CSMD3: variants seen among roughly 807,000 people sequenced by gnomAD.
CSMD3 encodes the protein CUB and Sushi multiple domains 3, also known as CUB and sushi domain-containing protein 3.
A neutral mutation model predicts 435.2 loss-of-function variants in CSMD3; 177 were observed. That is an observed-to-expected ratio of 0.41 (90% CI 0.36 to 0.46). CSMD3 has a LOEUF of 0.46. Ranked by LOEUF, CSMD3 falls within the 20% of genes least tolerant of loss-of-function variation. The pLI, the probability that CSMD3 is intolerant of heterozygous loss-of-function variation, is 0.34. For missense variants in CSMD3, 4,265 were observed against 4,504.6 expected (o/e 0.95, Z 1.52); for synonymous variants, 1,656 against 1,520.5 (o/e 1.09, Z -2.07).
chr8:113,317,484 G>T (rs75983378), intron 1 of CSMD3, among the ~76,000 whole-genome samples: 2 of 152,068 alleles, frequency 1.3e-5, no homozygotes, highest in Non-Finnish European at 2.9e-5. Flanking sequence ...CATGGATTTC[G>T]AGTACTTTTA....
chr8:113,090,719 A>G (rs1198138712), intron 5 of CSMD3, among the ~76,000 whole-genome samples: 3 of 152,118 alleles, frequency 2.0e-5, no homozygotes, highest in East Asian at 1.9e-4. Context: ...ATGCTTACAT[A>G]TAAGTTAACA....
At chr8:113,117,032 A>C (rs1161393451) in intron 4 of CSMD3, among the ~76,000 whole-genome samples, 2 of 152,232 alleles carry the variant, frequency 1.3e-5, no homozygotes, top group East Asian at 3.9e-4. Context: ...GACAGAAAAG[A>C]AAGACCCATT....
At chr8:113,091,136 C>T (rs900493293) in intron 5 of CSMD3, among the ~76,000 whole-genome samples, 1 of 151,810 alleles carries the variant, frequency 6.6e-6, no homozygotes. Flanking sequence ...AAAAAATATG[C>T]CAAGCATTAG....
chr8:112,472,195 C>T (rs1818583331), intron 32 of CSMD3, among the ~76,000 whole-genome samples: 2 of 152,106 alleles, frequency 1.3e-5, no homozygotes, highest in South Asian at 4.1e-4. Flanking sequence ...GATATGATTG[C>T]TTTGTAAATA....
chr8:112,373,770 C>G (rs1182755000), intron 38 of CSMD3, among the ~76,000 whole-genome samples: 1 of 152,030 alleles, frequency 6.6e-6, no homozygotes, highest in Non-Finnish European at 1.5e-5. Flanking sequence ...TTTTCATAAG[C>G]AAAATAGATT....
At chr8:112,416,749 C>T (rs1811954490) in intron 32 of CSMD3, among the ~76,000 whole-genome samples, 5 of 151,808 alleles carry the variant, frequency 3.3e-5, no homozygotes. Context: ...ATTTGTTTGT[C>T]ATTTTTTTCT....
intron 32 of CSMD3, among the ~76,000 whole-genome samples, chr8:112,420,273 C>T (rs957152444): frequency 1.3e-5 from 2 of 152,072 alleles, no homozygotes; most frequent in Admixed American, 6.6e-5. Flanking sequence ...TCTTCCTATC[C>T]GACCTGTATC....
intron 7 of CSMD3, among the ~76,000 whole-genome samples, chr8:112,970,136 T>C (rs938233381): frequency 3.9e-5 from 6 of 152,036 alleles, no homozygotes; most frequent in African/African-American, 1.4e-4. Context: ...AATTCTAAAA[T>C]AGATAATTCT....
intron 5 of CSMD3, among the ~76,000 whole-genome samples, chr8:113,051,322 TA>T (rs1245273681): frequency 3.9e-5 from 6 of 152,086 alleles, no homozygotes; most frequent in South Asian, 2.1e-4. Flanking sequence ...AAATGAGGGT[TA>T]TTTTTTTTAA....
At chr8:112,277,614 C>A (rs189100222) in intron 59 of CSMD3, among the ~76,000 whole-genome samples, 2 of 152,246 alleles carry the variant, frequency 1.3e-5, no homozygotes, top group East Asian at 3.9e-4. Context: ...CACCCAACTG[C>A]CAGTACCAAT....
intron 7 of CSMD3, among the ~76,000 whole-genome samples, chr8:112,975,610 C>A (rs2084816429): frequency 6.6e-6 from 1 of 152,072 alleles, no homozygotes; most frequent in Admixed American, 6.6e-5. Context: ...TACCCCCTCC[C>A]CCTCCAACAT....
intron 32 of CSMD3, among the ~76,000 whole-genome samples, chr8:112,435,722 T>C (rs1427373221): frequency 6.6e-6 from 1 of 152,060 alleles, no homozygotes; most frequent in Non-Finnish European, 1.5e-5. Flanking sequence ...TTAACTTGTA[T>C]ACTTTCAAGA....
chr8:112,746,837 G>C (rs1406059073), intron 13 of CSMD3, among the ~76,000 whole-genome samples: 2 of 151,924 alleles, frequency 1.3e-5, no homozygotes, highest in Non-Finnish European at 2.9e-5. Context: ...AAAAAGACTT[G>C]GAAGGATAGA....
At chr8:113,258,088 T>A (rs2093398159) in intron 3 of CSMD3, among the ~76,000 whole-genome samples, 1 of 152,150 alleles carries the variant, frequency 6.6e-6, no homozygotes, top group African/African-American at 2.4e-5. Flanking sequence ...TATGACAAAA[T>A]AAAAAATGAT....
At chr8:112,751,644 A>T (rs11987485) in intron 13 of CSMD3, among the ~76,000 whole-genome samples, 100,504 of 132,904 alleles carry the variant, frequency 0.76, 35,600 homozygotes, top group East Asian at 0.85. Context: ...TTTTTTTTTT[A>T]TATATTTTAC....
chr8:112,632,986 C>G (rs1194014949), intron 22 of CSMD3, among the ~76,000 whole-genome samples: 1 of 151,786 alleles, frequency 6.6e-6, no homozygotes, highest in African/African-American at 2.4e-5. Context: ...TAAAGTTTTT[C>G]CCAAAATGTG....
At chr8:112,851,561 C>T (rs1400932641) in intron 11 of CSMD3, among the ~76,000 whole-genome samples, 2 of 152,016 alleles carry the variant, frequency 1.3e-5, no homozygotes, top group Non-Finnish European at 2.9e-5. Context: ...GTCAGGACTT[C>T]GAGACCAGCC....
intron 63 of CSMD3, among the ~76,000 whole-genome samples, 185 bp from the exon 64 acceptor site, chr8:112,247,316 CTTTA>C (rs1459996159): frequency 6.6e-6 from 1 of 152,060 alleles, no homozygotes; most frequent in Non-Finnish European, 1.5e-5. Flanking sequence ...AAAATCCTGG[CTTTA>C]TTTGTTTACA....
chr8:113,291,126 A>T (rs1158196546), intron 2 of CSMD3, among the ~76,000 whole-genome samples: 1 of 151,570 alleles, frequency 6.6e-6, no homozygotes, highest in African/African-American at 2.4e-5. Context: ...AGAAATGCCA[A>T]TTTAATTATA....
Sources: allele counts gnomAD v4.1 joint callset (sites outside exome capture counted in the v4.1 genomes callset), GRCh38; gene constraint gnomAD v4.1.1; transcripts MANE v1.5; gene names NCBI Gene and HGNC (gene_info 2026-07-23, HGNC 2026-07-21).